The following PLXNA2 variants were observed in gnomAD, a reference collection of about 807,000 sequenced individuals.
PLXNA2 encodes plexin A2.
In PLXNA2, 91 loss-of-function variants were observed where a neutral mutation model predicts 193.5. That is an observed-to-expected ratio of 0.47 (90% CI 0.40 to 0.56). PLXNA2 has a LOEUF of 0.56. Among genes scored for constraint, PLXNA2 ranks in the 20% least tolerant of loss-of-function variants. The probability of loss-of-function intolerance (pLI) is 0.00; values close to 1 mark genes in which losing one functional copy is unlikely to be tolerated. For missense variants in PLXNA2, 1,995 were observed against 2,503.2 expected (o/e 0.80, Z 4.33); for synonymous variants, 997 against 1,027.3 (o/e 0.97, Z 0.56).
chr1:208,202,141 G>A (rs558225665), intron 3 of PLXNA2, among the ~76,000 whole-genome samples: 15 of 151,926 alleles, frequency 9.9e-5, no homozygotes, highest in Non-Finnish European at 1.8e-4. Context: ...CGCCATGCCC[G>A]GCTAATTTTT....
At chr1:208,104,731 T>C (rs1050870868) in intron 4 of PLXNA2, among the ~76,000 whole-genome samples, 7 of 152,206 alleles carry the variant, frequency 4.6e-5, no homozygotes, top group Admixed American at 3.3e-4. Flanking sequence ...CCATCCTTCC[T>C]ACATCATCAC....
chr1:208,219,465 A>G lies in PLXNA2; in HGVS notation c.-80-1463T>C, dbSNP rs982009736. Among the ~76,000 whole-genome samples the G allele has an allele frequency of 1.7e-4, 26 of 152,202 alleles. 1 individual carries two copies. The highest frequency in any genetic ancestry group is 1.4e-3 in the Admixed American group (22 of 15,286). ...TTCTCAGCTGGAAGATCATCCAGCA[A>G]CCTTCTCAGGCAAGTCCAGACAGAA... On this transcript the variant is annotated intron_variant, in intron 1 of 31. Transcript: ENST00000367033.
At chr1:208,069,168 C>T (rs1665894891) in intron 12 of PLXNA2, among the ~76,000 whole-genome samples, 1 of 152,166 alleles carries the variant, frequency 6.6e-6, no homozygotes, top group Non-Finnish European at 1.5e-5. Flanking sequence ...GGCAGGCATG[C>T]CTAGGTCATA....
In PLXNA2 at chr1:208,188,281, T is replaced by C. The variant is rs139720176; in HGVS notation, c.1371+21999A>G. Among the ~76,000 whole-genome samples, 18 of 152,146 alleles carry C rather than the reference T, an allele frequency of 1.2e-4. No individual in the cohort carries two copies. The East Asian group carries it at 1.9e-3, about 16-fold the overall frequency. On this transcript the variant is annotated intron_variant, in intron 3 of 31. Coordinates refer to ENST00000367033, the MANE Select transcript of PLXNA2 (RefSeq NM_025179.4). ...GATAGGCTGAATGCCTGCTTTAGGG[T>C]AGGATAGAAGAAAAGACACAACAAA... is the stretch of plus-strand genomic sequence containing the variant.
chr1:208,102,340 C>T (rs192812138), intron 5 of PLXNA2, among the ~76,000 whole-genome samples: 1 of 152,364 alleles, frequency 6.6e-6, no homozygotes, highest in East Asian at 1.9e-4. Flanking sequence ...CTGGAGTTTC[C>T]AACTCCATTG....
intron 17 of PLXNA2, 97 bp downstream of exon 17, chr1:208,050,912 C>A: frequency 1.2e-6 from 1 of 829,580 alleles, no homozygotes; most frequent in Non-Finnish European, 2.1e-6. Context: ...CTCCAGTATT[C>A]AGAGGCTCCA....
chr1:208,180,722 C>T lies in PLXNA2; in HGVS notation c.1371+29558G>A, dbSNP rs538470290. Among the ~76,000 whole-genome samples the T allele has an allele frequency of 3.0e-4, 46 of 152,318 alleles. No homozygotes were observed. The Middle Eastern group carries it at 0.014, about 45-fold the overall frequency. On this transcript the variant is annotated intron_variant, in intron 3 of 31. Coordinates refer to ENST00000367033, the MANE Select transcript of PLXNA2 (RefSeq NM_025179.4). Reference sequence around the variant, plus strand: ...AAGGGGTGGAAGAAGTGTGGAGACACGGGTGAGTCTTCAGAGATTTTGTCT... The same window carrying T: ...AAGGGGTGGAAGAAGTGTGGAGACATGGGTGAGTCTTCAGAGATTTTGTCT...
intron 4 of PLXNA2, among the ~76,000 whole-genome samples, chr1:208,106,147 G>A (rs1468376314): frequency 6.6e-6 from 1 of 151,782 alleles, no homozygotes; most frequent in Non-Finnish European, 1.5e-5. Flanking sequence ...GTGGAGGGGG[G>A]GTGGTCTAAA....
chr1:208,063,067 C>T (rs756198037), intron 12 of PLXNA2, among the ~76,000 whole-genome samples: 2 of 152,192 alleles, frequency 1.3e-5, no homozygotes, highest in Non-Finnish European at 2.9e-5. Context: ...CCTTCCCTAG[C>T]CACCTGGATG....
chr1:208,203,463 G>A (rs1670616671), intron 3 of PLXNA2, among the ~76,000 whole-genome samples: 1 of 152,176 alleles, frequency 6.6e-6, no homozygotes, highest in Admixed American at 6.5e-5. Context: ...CTGCAGCTCC[G>A]GCTGTTTACT....
At chr1:208,029,664 C>T (rs1664442409) in intron 29 of PLXNA2, 1 of 987,216 alleles carries the variant, frequency 1.0e-6, no homozygotes, top group Non-Finnish European at 1.2e-6. Context: ...CCATTGTTGG[C>T]ATCCTGGGAA....
chr1:208,118,343 TG>T, intron 4 of PLXNA2, among the ~76,000 whole-genome samples: 1 of 152,316 alleles, frequency 6.6e-6, no homozygotes, highest in East Asian at 1.9e-4. Flanking sequence ...GCAACGAAAG[TG>T]GCCAGAAGAA....
intron 9 of PLXNA2, among the ~76,000 whole-genome samples, chr1:208,085,538 G>C (rs1270323969): frequency 6.6e-6 from 1 of 152,210 alleles, no homozygotes; most frequent in African/African-American, 2.4e-5. Flanking sequence ...AGGATTGCTG[G>C]ATTTCCTACA....
In PLXNA2 at chr1:208,031,877, G is replaced by A. The variant is rs1664515463; in HGVS notation, c.5056-118C>T. On this transcript the variant is annotated intron_variant, in intron 28 of 31. Transcript: ENST00000367033. ...GGAAATTTGTCTGGGACACGAGGCT[G>A]TGCAGGCAGTGTTGCGGGGTGGGGA... The A allele has an allele frequency of 6.3e-6, 8 of 1,261,798 alleles. No homozygotes were observed. In the South Asian group the frequency reaches 9.2e-5, roughly 14 times the overall value. The allele number at this position is 1,261,798 out of a possible 1,614,324, so 78.2% of individuals were successfully genotyped here. A position where few individuals can be genotyped will look rare whatever the true frequency, so the allele number is the denominator to read the frequency against.
chr1:208,057,834 T>C (rs1665485125), intron 13 of PLXNA2, among the ~76,000 whole-genome samples: 1 of 152,180 alleles, frequency 6.6e-6, no homozygotes, highest in Non-Finnish European at 1.5e-5. Flanking sequence ...CAGATAATCT[T>C]TACAATGGGA....
chr1:208,115,351 A>G (rs1274973693), intron 4 of PLXNA2, among the ~76,000 whole-genome samples: 1 of 152,216 alleles, frequency 6.6e-6, no homozygotes, highest in African/African-American at 2.4e-5. Context: ...CGCTGAGTTC[A>G]TCCATTCATC....
intron 4 of PLXNA2, among the ~76,000 whole-genome samples, chr1:208,135,939 C>A (rs1230075104): frequency 2.0e-5 from 3 of 152,134 alleles, no homozygotes; most frequent in Admixed American, 1.3e-4. Context: ...CAATTTCTAC[C>A]TCATTATAGG....
At chr1:208,186,359 A>T (rs1205342473) in intron 3 of PLXNA2, among the ~76,000 whole-genome samples, 2 of 152,180 alleles carry the variant, frequency 1.3e-5, no homozygotes, top group Non-Finnish European at 2.9e-5. Flanking sequence ...AGAATAGAAA[A>T]TGCAAAGGAA....
intron 20 of PLXNA2, among the ~76,000 whole-genome samples, chr1:208,043,564 A>G (rs1048260782): frequency 1.3e-5 from 2 of 152,236 alleles, no homozygotes; most frequent in African/African-American, 4.8e-5. Flanking sequence ...AAAGACCAGA[A>G]CAGGCAAAGT....
Sources: allele counts gnomAD v4.1 joint callset (sites outside exome capture counted in the v4.1 genomes callset), GRCh38; gene constraint gnomAD v4.1.1; transcripts MANE v1.5; gene names NCBI Gene and HGNC (gene_info 2026-07-23, HGNC 2026-07-21).